The following SGCZ variants were observed in gnomAD, a reference collection of about 807,000 sequenced individuals.
SGCZ encodes sarcoglycan zeta, also known as zeta-sarcoglycan.
In SGCZ, 40 loss-of-function variants were observed where a neutral mutation model predicts 41.3. The ratio of observed to expected loss-of-function variants is 0.97; its 90% CI spans 0.75 to 1.26. SGCZ has a LOEUF of 1.26. Ranked by LOEUF, SGCZ falls within the 50% of genes most tolerant of loss-of-function variation. The pLI, the probability that SGCZ is intolerant of heterozygous loss-of-function variation, is 0.00. For missense variants in SGCZ, 552 were observed against 369.8 expected (o/e 1.49, Z -4.04); for synonymous variants, 206 against 137.5 (o/e 1.50, Z -3.49).
At chr8:15,043,319 C>T (rs771935189) in intron 1 of SGCZ, among the ~76,000 whole-genome samples, 8 of 152,068 alleles carry the variant, frequency 5.3e-5, no homozygotes, top group African/African-American at 1.7e-4. Context: ...TAAACTTTCT[C>T]GGTCGTTTTG....
chr8:14,154,918 C>G (rs779313378), intron 5 of SGCZ, among the ~76,000 whole-genome samples: 5 of 152,142 alleles, frequency 3.3e-5, no homozygotes, highest in Admixed American at 2.0e-4. Flanking sequence ...GATACCAGCC[C>G]TCAAATTCTG....
chr8:14,406,049 A>C (rs1334773795), intron 2 of SGCZ, among the ~76,000 whole-genome samples: 3 of 152,002 alleles, frequency 2.0e-5, no homozygotes, highest in Non-Finnish European at 4.4e-5. Flanking sequence ...ACAGCAAATA[A>C]CCCATCAAAT....
intron 1 of SGCZ, among the ~76,000 whole-genome samples, chr8:15,212,456 T>C (rs367847197): frequency 2.6e-5 from 4 of 152,148 alleles, no homozygotes; most frequent in African/African-American, 9.6e-5. Flanking sequence ...CAGAGTGGTT[T>C]AGGATTGTTT....
chr8:14,711,895 A>C (rs530073813), intron 1 of SGCZ, among the ~76,000 whole-genome samples: 1 of 152,220 alleles, frequency 6.6e-6, no homozygotes, highest in East Asian at 1.9e-4. Context: ...TACTGAGGCA[A>C]CTCCAGCCTC....
At chr8:14,428,439 C>T (rs987972238) in intron 2 of SGCZ, among the ~76,000 whole-genome samples, 7 of 151,900 alleles carry the variant, frequency 4.6e-5, no homozygotes, top group South Asian at 2.1e-4. Flanking sequence ...CCAAAATTCA[C>T]GGTAATTATA....
intron 1 of SGCZ, among the ~76,000 whole-genome samples, chr8:14,977,358 C>T (rs1489874199): frequency 6.6e-6 from 1 of 152,152 alleles, no homozygotes; most frequent in Non-Finnish European, 1.5e-5. Context: ...ACTAATGAGA[C>T]AATCCATGTA....
At chr8:15,186,322 T>TAGTCCGAA (rs1554473588) in intron 1 of SGCZ, among the ~76,000 whole-genome samples, 1 of 141,530 alleles carries the variant, frequency 7.1e-6, no homozygotes, top group Non-Finnish European at 1.5e-5. Flanking sequence ...TCGCATGTAG[T>TAGTCCGAA]AGTCCAAAGA....
At chr8:14,539,159 C>T (rs1249496850) in intron 2 of SGCZ, among the ~76,000 whole-genome samples, 5 of 152,000 alleles carry the variant, frequency 3.3e-5, no homozygotes, top group African/African-American at 1.2e-4. Flanking sequence ...ATTCGGCCAG[C>T]AGATTATCTT....
chr8:14,851,691 T>C (rs1803330558), intron 1 of SGCZ, among the ~76,000 whole-genome samples: 1 of 152,200 alleles, frequency 6.6e-6, no homozygotes, highest in Non-Finnish European at 1.5e-5. Context: ...AGGTAATCCA[T>C]TTATAGAACA....
At chr8:14,445,090 G>A (rs1318243238) in intron 2 of SGCZ, among the ~76,000 whole-genome samples, 1 of 152,208 alleles carries the variant, frequency 6.6e-6, no homozygotes, top group Admixed American at 6.5e-5. Flanking sequence ...GCTCAGTGGT[G>A]ATGCTTTCAG....
At chr8:14,355,611 A>G (rs944250401) in intron 2 of SGCZ, among the ~76,000 whole-genome samples, 2 of 151,978 alleles carry the variant, frequency 1.3e-5, no homozygotes, top group Admixed American at 6.6e-5. Context: ...AATAAAAACG[A>G]GATAAATCAA....
At chr8:14,718,770 G>T (rs1019822187) in intron 1 of SGCZ, among the ~76,000 whole-genome samples, 1 of 151,332 alleles carries the variant, frequency 6.6e-6, no homozygotes, top group African/African-American at 2.4e-5. Context: ...GGAGAAGAAA[G>T]AAATGAACAG....
chr8:14,916,509 A>G (rs997324450), intron 1 of SGCZ, among the ~76,000 whole-genome samples: 2 of 152,260 alleles, frequency 1.3e-5, no homozygotes, highest in Non-Finnish European at 2.9e-5. Flanking sequence ...TTAGCAGAAC[A>G]CTTACCACAT....
At chr8:14,946,511 T>G (rs555344296) in intron 1 of SGCZ, among the ~76,000 whole-genome samples, 1 of 152,128 alleles carries the variant, frequency 6.6e-6, no homozygotes, top group African/African-American at 2.4e-5. Flanking sequence ...GTTCTCCCTC[T>G]AAGTTATGAA....
At chr8:14,233,592 ATATAGATATATATATATATTC>A (rs1806649436) in intron 4 of SGCZ, among the ~76,000 whole-genome samples, 2 of 94,350 alleles carry the variant, frequency 2.1e-5, no homozygotes, top group Non-Finnish European at 5.9e-5. Context: ...TCTATATAAA[ATATAGATATATATATATATTC>A]TATATATATC....
intron 1 of SGCZ, among the ~76,000 whole-genome samples, chr8:14,716,848 AG>A (rs1809705943): frequency 1.3e-5 from 2 of 152,132 alleles, no homozygotes; most frequent in Non-Finnish European, 2.9e-5. Flanking sequence ...CTATATTTAT[AG>A]CCCATGCTAT....
At chr8:14,503,682 C>T (rs1270516104) in intron 2 of SGCZ, among the ~76,000 whole-genome samples, 2 of 151,908 alleles carry the variant, frequency 1.3e-5, no homozygotes, top group Non-Finnish European at 2.9e-5. Flanking sequence ...GCAGGAGAAT[C>T]GCTTGAACCT....
chr8:15,092,919 C>G (rs928225713), intron 1 of SGCZ, among the ~76,000 whole-genome samples: 20 of 152,160 alleles, frequency 1.3e-4, no homozygotes, highest in African/African-American at 4.8e-4. Flanking sequence ...GTGTAGGCAT[C>G]CAAATAACTC....
chr8:14,093,092 C>T (rs1208487618), intron 7 of SGCZ, among the ~76,000 whole-genome samples: 2 of 152,064 alleles, frequency 1.3e-5, no homozygotes, highest in Non-Finnish European at 2.9e-5. Flanking sequence ...AAATAGCTCT[C>T]TCCAGCTGTT....
Sources: gnomAD v4.1 joint callset for allele counts (sites outside exome capture counted in the v4.1 genomes callset) on GRCh38, gnomAD v4.1.1 for gene constraint, MANE v1.5 for transcripts, NCBI Gene and HGNC (gene_info 2026-07-23, HGNC 2026-07-21) for gene names.